The following PCDHGA6 variants were observed in gnomAD, a reference collection of about 807,000 sequenced individuals.
PCDHGA6 encodes the protein protocadherin gamma subfamily A, 6.
In PCDHGA6, 41 loss-of-function variants were observed where a neutral mutation model predicts 60.6. That is an observed-to-expected ratio of 0.68 (90% CI 0.53 to 0.88). The LOEUF (loss-of-function observed/expected upper bound fraction) is 0.88, where lower values mean the gene tolerates loss of function less well. Ranked by LOEUF, PCDHGA6 falls within the 40% of genes least tolerant of loss-of-function variation. PCDHGA6 has a pLI of 0.00. For missense variants in PCDHGA6, 1,312 were observed against 1,203.0 expected, an observed-to-expected ratio of 1.09 and a Z score of -1.34; for synonymous variants, 594 against 524.4, an observed-to-expected ratio of 1.13 and a Z score of -1.81.
intron 1 of PCDHGA6, chr5:141,410,860 T>TTTTTTTTTTTTTTTTTTG: frequency 2.3e-6 from 1 of 442,030 alleles, no homozygotes; most frequent in Non-Finnish European, 3.7e-6. Flanking sequence ...TTTTTTTTTT[T>TTTTTTTTTTTTTTTTTTG]TTTTTTTTTT....
At position 141,431,303 on chromosome 5, in the gene PCDHGA6, G is replaced by T. The variant is rs777784010; in HGVS notation, c.2424+54796G>T. The T allele has an allele frequency of 1.2e-6, 2 of 1,614,060 alleles. No homozygotes were observed. Among genetic ancestry groups the T allele is most frequent in the Non-Finnish European group, 1.7e-6 (2 of 1,180,038 alleles). On this transcript the variant is annotated intron_variant, in intron 1 of 3. Coordinates refer to ENST00000517434, the MANE Select transcript of PCDHGA6 (RefSeq NM_018919.3). The surrounding 1 kb of genome is among the most constrained non-coding windows in gnomAD (Gnocchi z 4.8). ...CCCGAACACTCACTTCTCCCTCATC[G>T]TGCAAAATGGAGCCGACGGTAGTAA...
intron 1 of PCDHGA6, chr5:141,388,948 T>C (rs751779962): frequency 7.4e-6 from 12 of 1,613,904 alleles, no homozygotes; most frequent in Admixed American, 1.7e-5. Context: ...AACCTAATTA[T>C]GGAGGACGCC....
intron 1 of PCDHGA6, chr5:141,422,258 A>G (rs2096637047): frequency 6.4e-7 from 1 of 1,565,282 alleles, no homozygotes; most frequent in East Asian, 2.2e-5. Flanking sequence ...GTGAATGATA[A>G]CGCTCCAGAA....
chr5:141,378,863 G>C (rs934816631), intron 1 of PCDHGA6: 1 of 152,136 alleles, frequency 6.6e-6, no homozygotes, highest in Non-Finnish European at 1.5e-5. Context: ...AATGATGTTC[G>C]AATAGAAAAT....
chr5:141,382,839 T>A lies in PCDHGA6; in HGVS notation c.2424+6332T>A. 4 of 1,450,270 alleles carry A rather than the reference T, an allele frequency of 2.8e-6. No individual in the cohort carries two copies. In the South Asian group the frequency reaches 5.5e-5, roughly 20 times the overall value. 89.8% of individuals were successfully genotyped at this position (1,450,270 alleles called of 1,614,324 possible). A position where few individuals can be genotyped will look rare whatever the true frequency, so the allele number is the denominator to read the frequency against. On this transcript the variant is annotated intron_variant, in intron 1 of 3. Coordinates refer to ENST00000517434, the MANE Select transcript of PCDHGA6 (RefSeq NM_018919.3). ...CCTAAGACAGAGGGGTCCACCCGGA[T>A]ACACCCGCATTCTGAAGCACTTCCC...
chr5:141,503,392 C>T lies in PCDHGA6; in HGVS notation c.2484-2001C>T, dbSNP rs554732406. 1.2e-4 allele frequency among the ~76,000 whole-genome samples: 18 copies of T among 151,870 alleles called. No individual in the cohort carries two copies. The South Asian group carries it at 3.5e-3, about 30-fold the overall frequency. On this transcript the variant is annotated intron_variant, in intron 2 of 3. Transcript: ENST00000517434. ...CAGGTGGATCATGAGGTCAGGAGTT[C>T]GAAACCAACCTGGCCAATATGGTGA...
chr5:141,463,184 T>A (rs62379194), intron 1 of PCDHGA6, among the ~76,000 whole-genome samples: 5,135 of 152,236 alleles, frequency 0.034, 100 homozygotes, highest in Middle Eastern at 0.088. Context: ...CTCAGATTAT[T>A]ATTTAGCCAA....
intron 1 of PCDHGA6, among the ~76,000 whole-genome samples, chr5:141,481,869 G>A (rs909237712): frequency 4.1e-5 from 6 of 146,780 alleles, no homozygotes; most frequent in East Asian, 2.0e-4. Flanking sequence ...AGCCGAGATC[G>A]CGCCACTGCA....
rs2091965953 is a variant in PCDHGA6 at position 141,389,909 on chromosome 5, C to T, written c.2424+13402C>T. ...AGGAGGTGCTGCCGGATATCACTGA[C>T]CGCCCCGACCCCTCTGACCTCCAGG... On this transcript the variant is annotated intron_variant, in intron 1 of 3. Transcript: ENST00000517434. 1.9e-6 allele frequency: 3 copies of T among 1,614,068 alleles called. No homozygotes were observed. In the South Asian group the frequency reaches 3.3e-5, roughly 18 times the overall value.
chr5:141,422,795 A>G lies in PCDHGA6; in HGVS notation c.2424+46288A>G, dbSNP rs543001807. ...CTCTATGCCCTACAATCCTTCGACTATGAGCAGTTTCGAGACTTAGAACTG... is the reference window on the plus strand; with the variant it reads ...CTCTATGCCCTACAATCCTTCGACTGTGAGCAGTTTCGAGACTTAGAACTG... On this transcript the variant is annotated intron_variant, in intron 1 of 3. Transcript: ENST00000517434. 14 of 1,614,198 alleles carry G rather than the reference A, an allele frequency of 8.7e-6. No homozygotes were observed. In the East Asian group the frequency reaches 1.8e-4, roughly 21 times the overall value.
chr5:141,378,535 T>C (rs1235721694), intron 1 of PCDHGA6: 1 of 152,092 alleles, frequency 6.6e-6, no homozygotes, highest in Non-Finnish European at 1.5e-5. Context: ...AAAATAATAA[T>C]GATAATTAAT....
chr5:141,408,377 C>T (rs1322642798), intron 1 of PCDHGA6: 4 of 1,613,902 alleles, frequency 2.5e-6, no homozygotes, highest in Non-Finnish European at 3.4e-6. Context: ...GCTCAGTGTC[C>T]TGGATGTGTC....
At chr5:141,392,901 C>G in intron 1 of PCDHGA6, 1 of 1,613,832 alleles carries the variant, frequency 6.2e-7, no homozygotes, top group Non-Finnish European at 8.5e-7. Context: ...CGGGAGGGGA[C>G]AGATTCGCTA....
chr5:141,465,532 C>T (rs1175698109), intron 1 of PCDHGA6, among the ~76,000 whole-genome samples: 1 of 152,138 alleles, frequency 6.6e-6, no homozygotes, highest in Non-Finnish European at 1.5e-5. Flanking sequence ...GGAAGTTTTC[C>T]CAGGCATTTT....
intron 1 of PCDHGA6, among the ~76,000 whole-genome samples, chr5:141,484,389 G>A (rs1336850919): frequency 6.6e-6 from 1 of 152,140 alleles, no homozygotes; most frequent in Non-Finnish European, 1.5e-5. Flanking sequence ...GAATAAGAAA[G>A]GTTTGGTTTC....
chr5:141,389,006 C>G, intron 1 of PCDHGA6: 1 of 1,613,986 alleles, frequency 6.2e-7, no homozygotes, highest in South Asian at 1.1e-5. Context: ...ACAAGGATTC[C>G]AGACACAATG....
At position 141,398,135 on chromosome 5, in the gene PCDHGA6, G is replaced by A. The variant is rs771670845; in HGVS notation, c.2424+21628G>A. ...CTGAGGAGAGCAAGAGGGATGGGGAGCGGCGCCGGGGAGCTGGGCCGGGCT... is the reference window on the plus strand; with the variant it reads ...CTGAGGAGAGCAAGAGGGATGGGGAACGGCGCCGGGGAGCTGGGCCGGGCT... On this transcript the variant is annotated intron_variant, in intron 1 of 3. Transcript: ENST00000517434. 4 of 1,556,792 alleles carry A rather than the reference G, an allele frequency of 2.6e-6. No individual in the cohort carries two copies. Among genetic ancestry groups the A allele is most frequent in the Non-Finnish European group, 3.5e-6 (4 of 1,157,318 alleles).
chr5:141,408,337 G>T (rs1191967573), intron 1 of PCDHGA6: 3 of 1,613,954 alleles, frequency 1.9e-6, no homozygotes, highest in Non-Finnish European at 2.5e-6. Context: ...CCAAGGGCTC[G>T]GTGGTGGGGA....
rs376996144 is a variant in PCDHGA6, at chr5:141,491,534, G to C, written c.2425-3273G>C. 3.7e-6 allele frequency: 6 copies of C among 1,613,912 alleles called. No homozygotes were observed. The highest frequency in any genetic ancestry group is 1.3e-5 in the African/African-American group (1 of 74,928). ...CTCAAGTACATGGAGGTGACGCTGC[G>C]GCCCACAGACTCGCAGAGCCACTGC... On this transcript the variant is annotated intron_variant, in intron 1 of 3. Coordinates refer to ENST00000517434, the MANE Select transcript of PCDHGA6 (RefSeq NM_018919.3). This position sits in a 1 kb window ranked among gnomAD's most constrained non-coding sequence, Gnocchi z 6.9.
Sources: allele counts gnomAD v4.1 joint callset (sites outside exome capture counted in the v4.1 genomes callset), GRCh38; gene constraint gnomAD v4.1.1; non-coding constraint Gnocchi (gnomAD v3.1); transcripts MANE v1.5; gene names NCBI Gene and HGNC (gene_info 2026-07-23, HGNC 2026-07-21).